Variants in INPP5A observed in about 807,000 individuals in gnomAD.
The protein encoded by INPP5A is 43 kDa inositol polyphosphate 5-phophatase.
A neutral mutation model predicts 65.2 loss-of-function variants in INPP5A; 14 were observed. The ratio of observed to expected loss-of-function variants is 0.21; its 90% CI spans 0.14 to 0.34. INPP5A has a LOEUF of 0.34. INPP5A is among the 10% of genes least tolerant of loss of function. The probability of loss-of-function intolerance (pLI) is 1.00; values close to 1 mark genes in which losing one functional copy is unlikely to be tolerated. For missense variants in INPP5A, 431 were observed against 545.6 expected, an observed-to-expected ratio of 0.79 and a Z score of 2.09; for synonymous variants, 207 against 208.3, an observed-to-expected ratio of 0.99 and a Z score of 0.05.
intron 6 of INPP5A, among the ~76,000 whole-genome samples, 158 bp from the exon 7 acceptor site, chr10:132,708,155 C>T (rs1845568731): frequency 6.6e-6 from 1 of 152,226 alleles, no homozygotes; most frequent in Admixed American, 6.5e-5. Context: ...AGGATAGGTG[C>T]ACAGCTCGGT....
intron 1 of INPP5A, among the ~76,000 whole-genome samples, chr10:132,542,142 C>A (rs2070914484): frequency 6.6e-6 from 1 of 152,264 alleles, no homozygotes; most frequent in Non-Finnish European, 1.5e-5. Flanking sequence ...CCTGAGAACA[C>A]AGCCCGCTGG....
At chr10:132,591,767 G>C (rs929475620) in intron 1 of INPP5A, among the ~76,000 whole-genome samples, 1 of 141,636 alleles carries the variant, frequency 7.1e-6, no homozygotes, top group African/African-American at 2.4e-5. Flanking sequence ...ATCTGCAGGT[G>C]CAGGGAGCTC....
At chr10:132,596,957 A>ATGTGTGCGTGTGTGCATGCG in intron 1 of INPP5A, among the ~76,000 whole-genome samples, 1 of 119,346 alleles carries the variant, frequency 8.4e-6, no homozygotes, top group Non-Finnish European at 1.7e-5. Context: ...GTGTGCACAC[A>ATGTGTGCGTGTGTGCATGCG]TGTGTGCGTG....
chr10:132,677,672 A>G (rs1408521047), intron 4 of INPP5A, among the ~76,000 whole-genome samples: 2 of 152,036 alleles, frequency 1.3e-5, no homozygotes, highest in African/African-American at 4.8e-5. Flanking sequence ...TAACGGGCGC[A>G]CTCGTCTGGT....
rs372622558 is a variant in INPP5A, at chr10:132,669,905, G to A, written c.306+19400G>A. ...ACTGCTCCCTCTCTGTCCTCAGGGT[G>A]CAGCCCTGCACAGCCCTTCTAGCCC... is the stretch of plus-strand genomic sequence containing the variant. On this transcript the variant is annotated intron_variant, in intron 4 of 15. Transcript: ENST00000368594. Among the ~76,000 whole-genome samples the A allele has an allele frequency of 4.7e-4, 71 of 152,098 alleles. No individual in the cohort carries two copies. The Middle Eastern group carries it at 0.01, about 22-fold the overall frequency.
At chr10:132,615,641 G>A (rs908306430) in intron 2 of INPP5A, among the ~76,000 whole-genome samples, 1 of 152,210 alleles carries the variant, frequency 6.6e-6, no homozygotes, top group African/African-American at 2.4e-5. Context: ...AGCTGGGCAG[G>A]CCCCTTTGCT....
chr10:132,689,933 G>C (rs1473849240), intron 4 of INPP5A, among the ~76,000 whole-genome samples: 1 of 152,260 alleles, frequency 6.6e-6, no homozygotes, highest in Non-Finnish European at 1.5e-5. Context: ...CCAGGACGAA[G>C]CCGAGCATCA....
intron 4 of INPP5A, among the ~76,000 whole-genome samples, chr10:132,679,899 A>G (rs1399861767): frequency 1.3e-5 from 2 of 152,208 alleles, no homozygotes; most frequent in African/African-American, 4.8e-5. Context: ...TGGTGCTGGG[A>G]CGCTGATACC....
chr10:132,547,161 T>G lies in INPP5A; in HGVS notation c.75+8990T>G, dbSNP rs2133248233. ...GGGGCAGGCCCCACCTCTCCTCGCA[T>G]GTGCGGCCTTGGGCTGTGTTTCACC... On this transcript the variant is annotated intron_variant, in intron 1 of 15. Coordinates refer to ENST00000368594, the MANE Select transcript of INPP5A (RefSeq NM_005539.5). This position sits in a 1 kb window ranked among gnomAD's most constrained non-coding sequence, Gnocchi z 5.5. Among the ~76,000 whole-genome samples, 1 of 152,368 alleles carries G rather than the reference T, an allele frequency of 6.6e-6. No individual in the cohort carries two copies. The highest frequency in any genetic ancestry group is 6.5e-5 in the Admixed American group (1 of 15,314).
intron 1 of INPP5A, among the ~76,000 whole-genome samples, chr10:132,561,042 G>A (rs1019605878): frequency 8.3e-5 from 12 of 144,832 alleles, no homozygotes; most frequent in African/African-American, 2.6e-4. Context: ...TGATAGTGTC[G>A]TTTGAAGCAC....
intron 13 of INPP5A, 26 bp downstream of exon 13, chr10:132,777,808 G>A: frequency 6.2e-7 from 1 of 1,609,282 alleles, no homozygotes; most frequent in Non-Finnish European, 8.5e-7. Context: ...CCCAGCCCTG[G>A]GCACAGAGGG....
chr10:132,636,163 ATGTGTG>A (rs59663030), intron 2 of INPP5A, among the ~76,000 whole-genome samples: 3 of 149,612 alleles, frequency 2.0e-5, no homozygotes, highest in Non-Finnish European at 3.0e-5. Flanking sequence ...GATAAACAAA[ATGTGTG>A]TGTGTGTGTG....
chr10:132,635,336 T>G (rs983021604), intron 2 of INPP5A, among the ~76,000 whole-genome samples: 11 of 151,560 alleles, frequency 7.3e-5, no homozygotes, highest in Admixed American at 2.6e-4. Context: ...TATTTAATTT[T>G]TTTTGGCATT....
At position 132,762,169 on chromosome 10, in the gene INPP5A, C is replaced by T. The variant is rs1035968527; in HGVS notation, c.904-3604C>T. Among the ~76,000 whole-genome samples, 16 of 152,082 alleles carry T rather than the reference C, an allele frequency of 1.1e-4. No individual in the cohort carries two copies. The highest frequency in any genetic ancestry group is 2.2e-4 in the African/African-American group (9 of 41,386). ...AGAGGAGGGAAGAGCCCAGCGCTTGCGCAGTGAGGGTCCACGAGGGGCACA... is the reference window on the plus strand; with the variant it reads ...AGAGGAGGGAAGAGCCCAGCGCTTGTGCAGTGAGGGTCCACGAGGGGCACA... On this transcript the variant is annotated intron_variant, in intron 11 of 15. Coordinates refer to ENST00000368594, the MANE Select transcript of INPP5A (RefSeq NM_005539.5). This position sits in a 1 kb window ranked among gnomAD's most constrained non-coding sequence, Gnocchi z 4.6.
intron 2 of INPP5A, among the ~76,000 whole-genome samples, chr10:132,623,347 C>T (rs998844614): frequency 2.0e-5 from 3 of 150,482 alleles, no homozygotes; most frequent in Non-Finnish European, 2.9e-5. Flanking sequence ...CTCACACATA[C>T]AGTTAGGATT....
intron 5 of INPP5A, among the ~76,000 whole-genome samples, chr10:132,692,263 A>C (rs1303975075): frequency 6.6e-6 from 1 of 152,196 alleles, no homozygotes; most frequent in Non-Finnish European, 1.5e-5. Context: ...AATGAGAATA[A>C]ATTTGAAAAC....
At chr10:132,718,906 A>G (rs1162935848) in intron 8 of INPP5A, among the ~76,000 whole-genome samples, 1 of 149,046 alleles carries the variant, frequency 6.7e-6, no homozygotes, top group Non-Finnish European at 1.5e-5. Flanking sequence ...TGGACGCCTT[A>G]GACGGCTGTC....
intron 7 of INPP5A, chr10:132,708,567 C>A: frequency 1.4e-6 from 1 of 709,460 alleles, no homozygotes; most frequent in East Asian, 2.7e-5. Context: ...CCCTGTAAGT[C>A]AGACATCTGG....
intron 6 of INPP5A, among the ~76,000 whole-genome samples, chr10:132,703,038 T>A (rs1055270754): frequency 6.6e-6 from 1 of 152,020 alleles, no homozygotes. Context: ...GGGTTGGGAC[T>A]CCCCTCCCTC....
Sources: gnomAD v4.1 joint callset for allele counts (sites outside exome capture counted in the v4.1 genomes callset) on GRCh38, gnomAD v4.1.1 for gene constraint, Gnocchi (gnomAD v3.1) non-coding constraint, MANE v1.5 for transcripts, NCBI Gene and HGNC (gene_info 2026-07-23, HGNC 2026-07-21) for gene names.